GRK4: variants seen among roughly 807,000 people sequenced by gnomAD.
The protein encoded by GRK4 is G protein-coupled receptor kinase 2-like.
A neutral mutation model predicts 77.9 loss-of-function variants in GRK4; 73 were observed. That is an observed-to-expected ratio of 0.94 (90% confidence interval 0.78 to 1.14). GRK4 has a LOEUF of 1.14. Ranked by LOEUF, GRK4 falls within the 50% of genes most tolerant of loss-of-function variation. GRK4 has a pLI of 0.00. For missense variants in GRK4, 729 were observed against 700.2 expected, an observed-to-expected ratio of 1.04 and a Z score of -0.46; for synonymous variants, 257 against 254.4, an observed-to-expected ratio of 1.01 and a Z score of -0.10.
intron 14 of GRK4, 35 bp from the exon 15 acceptor site, chr4:3,038,341 T>G (rs34020100): frequency 0.06 from 96,849 of 1,611,830 alleles, 3,616 homozygotes; most frequent in African/African-American, 0.17. Context: ...GCAGTTTCTC[T>G]GCGGCTTCTC....
intron 5 of GRK4, among the ~76,000 whole-genome samples, chr4:3,005,703 C>G (rs981511136): frequency 6.6e-6 from 1 of 152,020 alleles, no homozygotes; most frequent in East Asian, 1.9e-4. Flanking sequence ...ACTCAGGAGG[C>G]TGAGGCATGA....
chr4:3,037,404 G>C lies in GRK4; in HGVS notation c.1438G>C (p.Asp480His), dbSNP rs766661544. Residue 480 changes from aspartate to histidine, a missense_variant, in exon 14 of 16, where the codon GAT becomes CAT. By Grantham distance (81) the Asp-to-His change is moderately conservative (BLOSUM62 -1). Transcript: ENST00000398052. ...PHAVYCKDVL[D>H]IEQFSVVKGI... ...TGCCGTTTACTGTAAGGACGTCCTG[G>C]ATATCGAGCAGTTCTCGGTGGTGAA... 1.1e-5 allele frequency: 17 copies of C among 1,608,482 alleles called. No individual in the cohort carries two copies. Among genetic ancestry groups the C allele is most frequent in the Non-Finnish European group, 1.4e-5 (17 of 1,175,480 alleles).
chr4:3,040,557 C>T lies in GRK4; in HGVS notation c.1684-15C>T, dbSNP rs749364191. 68 of 1,604,486 alleles carry T rather than the reference C, an allele frequency of 4.2e-5. No homozygotes were observed. Among genetic ancestry groups the T allele is most frequent in the African/African-American group, 5.3e-5 (4 of 74,832 alleles). On this transcript the variant is annotated splice_polypyrimidine_tract_variant and intron_variant, in intron 15 of 15. Transcript: ENST00000398052. The stretch of plus-strand genomic sequence containing the variant: ...GCATCAGCCGTGTGCCTGAGGCCGC[C>T]GCTGTGTGTTGTAGGGCTGCCTGAC...
At chr4:3,019,931 G>A (rs919021919) in intron 9 of GRK4, 100 bp downstream of exon 9, 12 of 1,150,584 alleles carry the variant, frequency 1.0e-5, no homozygotes, top group Non-Finnish European at 1.4e-5. Flanking sequence ...AGGATGGGCA[G>A]GAGAATAGCT....
At chr4:3,033,214 C>G (rs926966924) in intron 12 of GRK4, among the ~76,000 whole-genome samples, 1 of 152,056 alleles carries the variant, frequency 6.6e-6, no homozygotes, top group Non-Finnish European at 1.5e-5. Context: ...GAGATGCCGT[C>G]TATATTTTAA....
intron 5 of GRK4, among the ~76,000 whole-genome samples, chr4:3,006,104 G>T (rs1306810300): frequency 6.6e-6 from 1 of 152,122 alleles, no homozygotes; most frequent in East Asian, 1.9e-4. Flanking sequence ...TTCAGGCCAG[G>T]CATGGTGGCT....
At chr4:2,974,520 C>T (rs1720525056) in intron 1 of GRK4, among the ~76,000 whole-genome samples, 2 of 152,330 alleles carry the variant, frequency 1.3e-5, no homozygotes, top group South Asian at 2.1e-4. Flanking sequence ...AGGCACTAAG[C>T]TTGGCTCTAG....
intron 8 of GRK4, among the ~76,000 whole-genome samples, chr4:3,016,531 CCA>C (rs1560464160): frequency 1.8e-3 from 224 of 125,654 alleles, no homozygotes; most frequent in African/African-American, 4.3e-3. Flanking sequence ...GACTCAATCT[CCA>C]AAAAAAAAAA....
intron 1 of GRK4, among the ~76,000 whole-genome samples, chr4:2,979,277 G>A (rs953813698): frequency 6.6e-6 from 1 of 151,460 alleles, no homozygotes; most frequent in Non-Finnish European, 1.5e-5. Flanking sequence ...GGTGGCAGGC[G>A]CCTGCAATCC....
intron 8 of GRK4, among the ~76,000 whole-genome samples, chr4:3,014,033 A>C (rs1733706404): frequency 6.6e-6 from 1 of 152,156 alleles, no homozygotes; most frequent in Admixed American, 6.6e-5. Context: ...GAAAACATAG[A>C]AGGAGTGATA....
chr4:3,018,734 C>G (rs1001772936), intron 8 of GRK4, among the ~76,000 whole-genome samples: 6 of 151,916 alleles, frequency 3.9e-5, no homozygotes, highest in African/African-American at 1.5e-4. Context: ...AAAAATTAGC[C>G]GGGCGTGGTG....
chr4:2,993,600 G>A (rs903489513), intron 4 of GRK4, among the ~76,000 whole-genome samples: 12 of 152,196 alleles, frequency 7.9e-5, no homozygotes, highest in African/African-American at 2.9e-4. Flanking sequence ...CTTGAACCTG[G>A]GAGGTAAAGG....
intron 1 of GRK4, among the ~76,000 whole-genome samples, chr4:2,975,739 C>A (rs2109454796): frequency 6.6e-6 from 1 of 152,300 alleles, no homozygotes; most frequent in African/African-American, 2.4e-5. Context: ...AAGGCTCAAG[C>A]AGTTCAAGGC....
In GRK4 at chr4:3,028,006, G is replaced by C; in HGVS notation, c.1060+5G>C. ...TTGGAACAGTCGGCTACATGGGTTC[G>C]TGAGAGGCTTTCGGCGTCCTTGTCC... On this transcript the variant is annotated splice_donor_5th_base_variant and intron_variant, in intron 11 of 15. Transcript: ENST00000398052. 2 of 1,613,676 alleles carry C rather than the reference G, an allele frequency of 1.2e-6. No homozygotes were observed. Among genetic ancestry groups the C allele is most frequent in the Non-Finnish European group, 1.7e-6 (2 of 1,179,592 alleles).
chr4:2,982,450 T>C (rs900266130), intron 1 of GRK4, among the ~76,000 whole-genome samples: 1 of 152,202 alleles, frequency 6.6e-6, no homozygotes, highest in African/African-American at 2.4e-5. Context: ...AAAGCAGAGA[T>C]AGTGAAATAT....
At chr4:2,970,434 C>T (rs1310425363) in intron 1 of GRK4, among the ~76,000 whole-genome samples, 3 of 151,940 alleles carry the variant, frequency 2.0e-5, no homozygotes, top group Admixed American at 1.3e-4. Context: ...CCAAGGCGGG[C>T]GGATCACGAG....
intron 1 of GRK4, among the ~76,000 whole-genome samples, chr4:2,967,735 T>C (rs1313312074): frequency 6.6e-6 from 1 of 151,874 alleles, no homozygotes; most frequent in Non-Finnish European, 1.5e-5. Context: ...TTTTATTTTT[T>C]TTTCCTTGAT....
chr4:3,040,702 T>C lies in GRK4; in HGVS notation c.*77T>C, dbSNP rs932554827. On this transcript the variant is annotated 3_prime_UTR_variant, in exon 16 of 16. Coordinates refer to ENST00000398052, the MANE Select transcript of GRK4 (RefSeq NM_182982.3). ...GTTAGCGTCTCGTCCCACCTGGAAT[T>C]GTAATAAATACATCTAAATAAAACA... The C allele has an allele frequency of 4.2e-6, 5 of 1,188,350 alleles. No individual in the cohort carries two copies. The African/African-American group carries it at 7.5e-5, about 18-fold the overall frequency. The allele number at this position is 1,188,350 out of a possible 1,614,324, so 73.6% of individuals were successfully genotyped here. A position where few individuals can be genotyped will look rare whatever the true frequency, so the allele number is the denominator to read the frequency against.
intron 10 of GRK4, among the ~76,000 whole-genome samples, chr4:3,026,956 G>A (rs1737752996): frequency 6.6e-6 from 1 of 152,260 alleles, no homozygotes; most frequent in Admixed American, 6.5e-5. Context: ...ATTAGAAGCT[G>A]AGGATAAGTG....
Sources: gnomAD v4.1 joint callset for allele counts (sites outside exome capture counted in the v4.1 genomes callset) on GRCh38, gnomAD v4.1.1 for gene constraint, MANE v1.5 for transcripts, NCBI Gene and HGNC (gene_info 2026-07-23, HGNC 2026-07-21) for gene names.